Variants in MCM10 observed in about 807,000 individuals in gnomAD.
The protein encoded by MCM10 is protein MCM10 homolog.
A neutral mutation model predicts 109.9 loss-of-function variants in MCM10; 91 were observed. That is an observed-to-expected ratio of 0.83 (90% CI 0.70 to 0.99). The LOEUF (loss-of-function observed/expected upper bound fraction) is 0.99, where lower values mean the gene tolerates loss of function less well. Among genes scored for constraint, MCM10 ranks in the 50% least tolerant of loss-of-function variants. The probability of loss-of-function intolerance (pLI) is 0.00; values close to 1 mark genes in which losing one functional copy is unlikely to be tolerated. For synonymous variants in MCM10, 380 were observed against 387.2 expected (o/e 0.98, Z 0.22); for missense variants, 1,077 against 1,061.2 (o/e 1.01, Z -0.21).
intron 18 of MCM10, among the ~76,000 whole-genome samples, chr10:13,206,336 C>A (rs774633835): frequency 9.9e-5 from 15 of 152,234 alleles, no homozygotes; most frequent in Non-Finnish European, 1.9e-4. Context: ...CTGGCCTCAG[C>A]CCCTCAGTGC....
At chr10:13,168,112 G>C (rs961705295) in intron 2 of MCM10, among the ~76,000 whole-genome samples, 4 of 152,220 alleles carry the variant, frequency 2.6e-5, no homozygotes, top group Non-Finnish European at 4.4e-5. Flanking sequence ...GTGGCCCCCA[G>C]TGGTGTGAGC....
intron 19 of MCM10, 44 bp downstream of exon 19, chr10:13,209,177 A>G: frequency 6.2e-7 from 1 of 1,602,528 alleles, no homozygotes; most frequent in Non-Finnish European, 8.6e-7. Context: ...TTAGTGACCC[A>G]TGCTAATAAT....
intron 18 of MCM10, among the ~76,000 whole-genome samples, chr10:13,206,023 T>C (rs190565502): frequency 1.3e-3 from 192 of 152,308 alleles, no homozygotes; most frequent in Non-Finnish European, 2.3e-3. Flanking sequence ...ATTCACGTGC[T>C]CTTCTTACCC....
In MCM10 at chr10:13,166,640, A is replaced by G. The variant is rs557920321; in HGVS notation, c.7+2431A>G. ...ACAAGAGCAAAACTCTGTCTCAAAAAAAAAAAAAAATACATACATACATAT... is the reference window on the plus strand; with the variant it reads ...ACAAGAGCAAAACTCTGTCTCAAAAGAAAAAAAAAATACATACATACATAT... On this transcript the variant is annotated intron_variant, in intron 2 of 19. Coordinates refer to ENST00000378714, the MANE Select transcript of MCM10 (RefSeq NM_018518.5). Among the ~76,000 whole-genome samples, 19 of 100,066 alleles carry G rather than the reference A, an allele frequency of 1.9e-4. No individual in the cohort carries two copies. The East Asian group carries it at 4.0e-3, about 21-fold the overall frequency. The allele number at this position is 100,066 out of a possible 152,430, so 65.6% of individuals were successfully genotyped here.
chr10:13,204,965 A>AT (rs1395615003), intron 18 of MCM10, among the ~76,000 whole-genome samples: 1 of 139,532 alleles, frequency 7.2e-6, no homozygotes, highest in Admixed American at 7.3e-5. Context: ...TTTTTATTGT[A>AT]TTTTTTATTG....
At chr10:13,200,481 T>G (rs543775803) in intron 16 of MCM10, among the ~76,000 whole-genome samples, 1 of 152,328 alleles carries the variant, frequency 6.6e-6, no homozygotes, top group East Asian at 1.9e-4. Flanking sequence ...TTCCTTTGAT[T>G]AACAAATAAC....
intron 13 of MCM10, among the ~76,000 whole-genome samples, chr10:13,192,986 A>G (rs1305598792): frequency 6.6e-6 from 1 of 152,024 alleles, no homozygotes; most frequent in African/African-American, 2.4e-5. Flanking sequence ...CCCAGGCTCA[A>G]ATGATCCTCC....
Position 13,175,607 on chromosome 10 carries a change from T to A in MCM10, c.690T>A (p.Ile230=). The A allele has an allele frequency of 6.2e-7, 1 of 1,613,622 alleles. No homozygotes were observed. The highest frequency in any genetic ancestry group is 2.2e-5 in the East Asian group (1 of 44,876). Residue 230 remains isoleucine (I), a synonymous_variant, in exon 6 of 20, where the codon ATT becomes ATA. Coordinates refer to ENST00000378714, the MANE Select transcript of MCM10 (RefSeq NM_018518.5). Reference sequence around the variant, plus strand: ...CTAGTGGGATAACTAGAGGTCAAATTGTGGGGACCCCAGGAAGTTCTGGGG... The same window carrying A: ...CTAGTGGGATAACTAGAGGTCAAATAGTGGGGACCCCAGGAAGTTCTGGGG... The part of the protein sequence containing the change: ...NKPSGITRGQ[I]VGTPGSSGET...
chr10:13,195,686 C>A (rs1834410883), intron 14 of MCM10: 1 of 152,572 alleles, frequency 6.6e-6, no homozygotes, highest in African/African-American at 2.4e-5. Flanking sequence ...TCTCGGCTCA[C>A]TGCAACCTCC....
At position 13,175,516 on chromosome 10, in the gene MCM10, A is replaced by G; in HGVS notation, c.599A>G (p.Lys200Arg). The change falls in exon 6 of 20, where the codon AAA becomes AGA. Residue 200 changes from lysine to arginine, a missense_variant. Coordinates refer to ENST00000378714, the MANE Select transcript of MCM10 (RefSeq NM_018518.5). ...RTPKASPPDP[K>R]SSSSRMTSAP... ...AATTGTGTTAATTTTCTAGATCCCA[A>G]AAGCTCATCTTCAAGGATGACAAGT... 5 of 1,613,832 alleles carry G rather than the reference A, an allele frequency of 3.1e-6. No homozygotes were observed. The highest frequency in any genetic ancestry group is 4.2e-6 in the Non-Finnish European group (5 of 1,179,802).
chr10:13,201,144 A>AAAAAT (rs764559334), intron 16 of MCM10, among the ~76,000 whole-genome samples: 18 of 152,168 alleles, frequency 1.2e-4, no homozygotes, highest in Non-Finnish European at 2.5e-4. Flanking sequence ...ACTCCATCTC[A>AAAAAT]AAAATAAAAT....
At chr10:13,167,180 C>G (rs180822384) in intron 2 of MCM10, among the ~76,000 whole-genome samples, 1 of 152,070 alleles carries the variant, frequency 6.6e-6, no homozygotes, top group Non-Finnish European at 1.5e-5. Context: ...AGCATGGTAG[C>G]GAGTCTTTCT....
intron 2 of MCM10, among the ~76,000 whole-genome samples, 195 bp downstream of exon 2, chr10:13,164,404 C>T (rs1003773733): frequency 1.3e-5 from 2 of 152,206 alleles, no homozygotes; most frequent in African/African-American, 4.8e-5. Context: ...GAGATTTCTT[C>T]TGGCAACAGA....
Position 13,204,207 on chromosome 10 carries a change from T to TG in MCM10, c.2353-11dup. On this transcript the variant is annotated splice_polypyrimidine_tract_variant and intron_variant, in intron 17 of 19. Transcript: ENST00000378714. Reference sequence around the variant, plus strand: ...TTCACCGGCGGTGTGGGTTTTTTGTTGCTCTGTGCAGTGCGCCTATACCCA... The same window carrying TG: ...TTCACCGGCGGTGTGGGTTTTTTGTTGGCTCTGTGCAGTGCGCCTATACCCA... The TG allele has an allele frequency of 6.2e-7, 1 of 1,608,664 alleles. No individual in the cohort carries two copies. The highest frequency in any genetic ancestry group is 1.1e-5 in the South Asian group (1 of 90,486).
At chr10:13,166,308 G>A (rs11258228) in intron 2 of MCM10, among the ~76,000 whole-genome samples, 44,870 of 151,946 alleles carry the variant, frequency 0.3, 6,896 homozygotes, top group East Asian at 0.43. Flanking sequence ...AGTGAAGGAT[G>A]AGGAAGTCTG....
At chr10:13,168,721 C>G (rs1374439484) in intron 2 of MCM10, among the ~76,000 whole-genome samples, 1 of 152,136 alleles carries the variant, frequency 6.6e-6, no homozygotes, top group African/African-American at 2.4e-5. Context: ...AGTGAGATGC[C>G]TTTTTAAATC....
Position 13,182,812 on chromosome 10 carries a change from C to G in MCM10, c.931-121C>G, listed in dbSNP as rs115174882. On this transcript the variant is annotated intron_variant, in intron 7 of 19. Coordinates refer to ENST00000378714, the MANE Select transcript of MCM10 (RefSeq NM_018518.5). The surrounding 1 kb of genome is among the most constrained non-coding windows in gnomAD (Gnocchi z 4.2). ...CTGATGATACATATTTGAATAACAACAAAAAAACTTGGATTTTATGGATTA... is the reference window on the plus strand; with the variant it reads ...CTGATGATACATATTTGAATAACAAGAAAAAAACTTGGATTTTATGGATTA... 2.8e-6 allele frequency: 2 copies of G among 708,104 alleles called. No homozygotes were observed. The highest frequency in any genetic ancestry group is 4.5e-6 in the Non-Finnish European group (2 of 441,140). 43.9% of individuals were successfully genotyped at this position (708,104 alleles called of 1,614,324 possible). A position where few individuals can be genotyped will look rare whatever the true frequency, so the allele number is the denominator to read the frequency against.
At chr10:13,204,186 C>A in intron 17 of MCM10, 33 bp from the exon 18 acceptor site, 1 of 1,603,484 alleles carries the variant, frequency 6.2e-7, no homozygotes, top group Middle Eastern at 1.9e-4. Context: ...AGGCTCTTCA[C>A]CGGCGGTGTG....
chr10:13,168,954 A>G (rs1427636217), intron 2 of MCM10, among the ~76,000 whole-genome samples: 4 of 152,240 alleles, frequency 2.6e-5, no homozygotes, highest in South Asian at 2.1e-4. Context: ...TCAAGCGGAC[A>G]TAGAAAAGCA....
Sources: allele counts gnomAD v4.1 joint callset (sites outside exome capture counted in the v4.1 genomes callset), GRCh38; gene constraint gnomAD v4.1.1; non-coding constraint Gnocchi (gnomAD v3.1); transcripts MANE v1.5; gene names NCBI Gene and HGNC (gene_info 2026-07-23, HGNC 2026-07-21).